Variants in ATXN7L1 observed in about 807,000 individuals in gnomAD.
The protein encoded by ATXN7L1 is ataxin 7 like 1.
A neutral mutation model predicts 70.8 loss-of-function variants in ATXN7L1; 15 were observed. That is an observed-to-expected ratio of 0.21 (90% CI 0.14 to 0.33). ATXN7L1 has a LOEUF of 0.33. Among genes scored for constraint, ATXN7L1 ranks in the 10% least tolerant of loss-of-function variants. The pLI, the probability that ATXN7L1 is intolerant of heterozygous loss-of-function variation, is 1.00. For synonymous variants in ATXN7L1, 440 were observed against 445.1 expected (o/e 0.99, Z 0.14); for missense variants, 975 against 1,097.1 (o/e 0.89, Z 1.57).
chr7:105,731,088 G>A (rs1479123276), intron 3 of ATXN7L1, among the ~76,000 whole-genome samples: 1 of 152,146 alleles, frequency 6.6e-6, no homozygotes, highest in Non-Finnish European at 1.5e-5. Flanking sequence ...CTCATGTGAT[G>A]GGTCACAGTA....
chr7:105,775,713 G>A (rs1315976556), intron 3 of ATXN7L1, among the ~76,000 whole-genome samples: 1 of 152,170 alleles, frequency 6.6e-6, no homozygotes, highest in East Asian at 1.9e-4. Flanking sequence ...AAACATCTTT[G>A]TTTCTTTGCT....
intron 11 of ATXN7L1, among the ~76,000 whole-genome samples, chr7:105,608,922 T>C (rs867813643): frequency 2.6e-5 from 4 of 152,168 alleles, no homozygotes; most frequent in South Asian, 2.1e-4. Context: ...TTTCCAATCA[T>C]GTGTAAGGGG....
intron 2 of ATXN7L1, among the ~76,000 whole-genome samples, chr7:105,867,822 T>G (rs774690100): frequency 6.6e-6 from 1 of 152,194 alleles, no homozygotes; most frequent in Non-Finnish European, 1.5e-5. Context: ...CCTGGGACAT[T>G]TGGCAATGTA....
intron 2 of ATXN7L1, among the ~76,000 whole-genome samples, chr7:105,858,439 C>T (rs58062916): frequency 0.016 from 2,484 of 152,158 alleles, 39 homozygotes; most frequent in East Asian, 0.066. Context: ...AATGACCATC[C>T]TACAATCCCC....
chr7:105,645,804 C>T (rs940216861), intron 4 of ATXN7L1, among the ~76,000 whole-genome samples: 22 of 140,282 alleles, frequency 1.6e-4, no homozygotes, highest in Admixed American at 6.6e-4. Flanking sequence ...CAGAGTGAGA[C>T]GCCACCACAA....
intron 3 of ATXN7L1, among the ~76,000 whole-genome samples, chr7:105,774,299 C>A (rs1802417615): frequency 6.6e-6 from 1 of 151,556 alleles, no homozygotes; most frequent in South Asian, 2.1e-4. Context: ...GGATGATGCC[C>A]AGAGCTGACA....
intron 2 of ATXN7L1, among the ~76,000 whole-genome samples, chr7:105,837,618 T>G (rs975516513): frequency 2.6e-5 from 4 of 152,062 alleles, no homozygotes; most frequent in African/African-American, 4.8e-5. Context: ...GGCATAGATG[T>G]ATCATCCCCA....
At chr7:105,855,746 G>A (rs1017628694) in intron 2 of ATXN7L1, among the ~76,000 whole-genome samples, 2 of 152,184 alleles carry the variant, frequency 1.3e-5, no homozygotes, top group African/African-American at 4.8e-5. Flanking sequence ...AGATGCCTGA[G>A]TCTATACTGA....
intron 4 of ATXN7L1, among the ~76,000 whole-genome samples, chr7:105,647,959 T>G (rs471218): frequency 0.024 from 3,723 of 152,228 alleles, 138 homozygotes; most frequent in African/African-American, 0.084. Context: ...ATTCCAGAAC[T>G]CAGCTGGATG....
Position 105,639,541 on chromosome 7 carries a change from A to G in ATXN7L1, c.891T>C (p.Cys297=). ...TCTTTGTCTCGGGATCCAATACTCCACAGTGTTTATTTGGGTCAAATTCTC... is the reference window on the plus strand; with the variant it reads ...TCTTTGTCTCGGGATCCAATACTCCGCAGTGTTTATTTGGGTCAAATTCTC... ...SEREFDPNKH[C]GVLDPETKKP... The change falls in exon 6 of 12, where the codon TGT becomes TGC. Residue 297 remains cysteine, a synonymous_variant. Coordinates refer to ENST00000419735, the MANE Select transcript of ATXN7L1 (RefSeq NM_020725.2). 6.4e-7 allele frequency: 1 copy of G among 1,551,514 alleles called. No homozygotes were observed. The highest frequency in any genetic ancestry group is 8.7e-7 in the Non-Finnish European group (1 of 1,146,806).
intron 3 of ATXN7L1, among the ~76,000 whole-genome samples, chr7:105,736,900 A>T (rs1737921174): frequency 6.6e-6 from 1 of 152,214 alleles, no homozygotes; most frequent in African/African-American, 2.4e-5. Flanking sequence ...TTTGAGATAG[A>T]AGAGATGTGT....
intron 3 of ATXN7L1, among the ~76,000 whole-genome samples, chr7:105,784,530 G>A (rs182961118): frequency 7.2e-5 from 11 of 152,188 alleles, no homozygotes; most frequent in Admixed American, 3.3e-4. Flanking sequence ...TGGGAGAAGC[G>A]GGAGGTGGCA....
intron 3 of ATXN7L1, among the ~76,000 whole-genome samples, chr7:105,726,506 G>A (rs925805556): frequency 5.9e-5 from 9 of 152,150 alleles, no homozygotes; most frequent in African/African-American, 1.4e-4. Context: ...GGAAAGCAGC[G>A]CTGTCACCTT....
At chr7:105,640,754 G>C (rs541575074) in intron 5 of ATXN7L1, among the ~76,000 whole-genome samples, 9 of 152,322 alleles carry the variant, frequency 5.9e-5, no homozygotes, top group Admixed American at 5.9e-4. Context: ...ATCTCTTAAG[G>C]ATCTTTTGGG....
At position 105,614,373 on chromosome 7, in the gene ATXN7L1, G is replaced by C. The variant is rs1307774489; in HGVS notation, c.1961C>G (p.Ser654Cys). 6.4e-7 allele frequency: 1 copy of C among 1,552,338 alleles called. No individual in the cohort carries two copies. The highest frequency in any genetic ancestry group is 8.7e-7 in the Non-Finnish European group (1 of 1,147,174). ...CAAGGAAGAGGAGGAGGAGGAGGAGGAGGAGGAAGTCGAAGACTGTGGCTT... is the reference window on the plus strand; with the variant it reads ...CAAGGAAGAGGAGGAGGAGGAGGAGCAGGAGGAAGTCGAAGACTGTGGCTT... Reference protein sequence around the residue: ...KRKPQSSTSSSSSSSSSSLQT... With the variant: ...KRKPQSSTSSCSSSSSSSLQT... Residue 654 changes from serine (S) to cysteine (C), a missense_variant, in exon 10 of 12, where the codon TCC becomes TGC. Ser to Cys is a moderately radical substitution (Grantham distance 112, BLOSUM62 -1). This residue lies in a region of ATXN7L1 where 635 missense variants were observed against 699.4 expected (regional missense o/e 0.91). Coordinates refer to ENST00000419735, the MANE Select transcript of ATXN7L1 (RefSeq NM_020725.2). The surrounding 1 kb of genome is among the most constrained non-coding windows in gnomAD (Gnocchi z 4.3).
chr7:105,717,339 G>T (rs1794691468), intron 3 of ATXN7L1, among the ~76,000 whole-genome samples: 1 of 152,050 alleles, frequency 6.6e-6, no homozygotes, highest in South Asian at 2.1e-4. Flanking sequence ...TGTTAGTCAG[G>T]CTGGTCTTGA....
Position 105,622,658 on chromosome 7 carries a change from T to C in ATXN7L1, c.1395+1417A>G, listed in dbSNP as rs1443548590. Among the ~76,000 whole-genome samples, 3 of 152,356 alleles carry C rather than the reference T, an allele frequency of 2.0e-5. No homozygotes were observed. In the East Asian group the frequency reaches 5.8e-4, roughly 29 times the overall value. On this transcript the variant is annotated intron_variant, in intron 8 of 11. Transcript: ENST00000419735. Reference sequence around the variant, plus strand: ...GGGATGAATCATGGCTGGTTCCTCCTGCGTCACTGCAACCCCTTCCTTCTC... The same window carrying C: ...GGGATGAATCATGGCTGGTTCCTCCCGCGTCACTGCAACCCCTTCCTTCTC...
At chr7:105,745,233 A>G (rs187949336) in intron 3 of ATXN7L1, among the ~76,000 whole-genome samples, 58 of 152,264 alleles carry the variant, frequency 3.8e-4, no homozygotes, top group African/African-American at 1.4e-3. Flanking sequence ...AAAAATTAAA[A>G]ATATAAATAT....
intron 3 of ATXN7L1, among the ~76,000 whole-genome samples, chr7:105,787,376 G>A (rs1366316471): frequency 1.3e-5 from 2 of 152,118 alleles, no homozygotes; most frequent in African/African-American, 2.4e-5. Flanking sequence ...GCTTTCTAGG[G>A]CCCTTGCTTT....
Sources: allele counts gnomAD v4.1 joint callset (sites outside exome capture counted in the v4.1 genomes callset), GRCh38; gene constraint gnomAD v4.1.1; regional missense constraint gnomAD v4.1.1; non-coding constraint Gnocchi (gnomAD v3.1); transcripts MANE v1.5; gene names NCBI Gene and HGNC (gene_info 2026-07-23, HGNC 2026-07-21).